Variants in PRR16 observed in about 807,000 individuals in gnomAD.
The protein encoded by PRR16 is proline rich 16.
A neutral mutation model predicts 18.2 loss-of-function variants in PRR16; 6 were observed. That is an observed-to-expected ratio of 0.33 (90% CI 0.18 to 0.65). The LOEUF is 0.65. Ranked by LOEUF, PRR16 falls within the 30% of genes least tolerant of loss-of-function variation. PRR16 has a pLI of 0.74. For missense variants in PRR16, 412 were observed against 376.6 expected (o/e 1.09, Z -0.78); for synonymous variants, 151 against 147.8 (o/e 1.02, Z -0.16).
At chr5:120,624,875 G>A (rs773266901) in intron 1 of PRR16, among the ~76,000 whole-genome samples, 8 of 152,008 alleles carry the variant, frequency 5.3e-5, no homozygotes, top group East Asian at 3.9e-4. Flanking sequence ...CACTGTTCTC[G>A]TGATAATGAA....
the PRR16 span, among the ~76,000 whole-genome samples, chr5:120,732,143 T>C: frequency 6.6e-6 from 1 of 152,336 alleles, no homozygotes; most frequent in African/African-American, 2.4e-5. Context: ...GTACAGCTCA[T>C]AGTGTTCAGC....
chr5:120,685,771 T>C (rs1442940254), intron 1 of PRR16, among the ~76,000 whole-genome samples, 183 bp from the exon 2 acceptor site: 2 of 152,204 alleles, frequency 1.3e-5, no homozygotes, highest in African/African-American at 4.8e-5. Context: ...ATACAGTTGG[T>C]CCTCTGTGTG....
At chr5:120,736,212 G>T in the PRR16 span, among the ~76,000 whole-genome samples, 1 of 152,118 alleles carries the variant, frequency 6.6e-6, no homozygotes, top group South Asian at 2.1e-4. Context: ...ATGTTTTCTC[G>T]ACTAAAATTT....
intron 1 of PRR16, among the ~76,000 whole-genome samples, chr5:120,618,054 G>T (rs1339806350): frequency 6.6e-6 from 1 of 152,026 alleles, no homozygotes; most frequent in African/African-American, 2.4e-5. Flanking sequence ...CTTAATCTAT[G>T]TAAGACTCTA....
chr5:120,695,093 A>C, the PRR16 span, among the ~76,000 whole-genome samples: 1 of 152,202 alleles, frequency 6.6e-6, no homozygotes, highest in Admixed American at 6.5e-5. Flanking sequence ...ATTGCCAATA[A>C]AAGTCCAAAA....
At chr5:120,530,285 T>TATATATATATATATATA (rs375750842) in intron 1 of PRR16, among the ~76,000 whole-genome samples, 54 of 84,338 alleles carry the variant, frequency 6.4e-4, no homozygotes, top group African/African-American at 1.2e-3. Flanking sequence ...ATATATATAT[T>TATATATATATATATATA]TATTTATTTA....
chr5:120,731,057 C>A, the PRR16 span, among the ~76,000 whole-genome samples: 1 of 152,158 alleles, frequency 6.6e-6, no homozygotes, highest in South Asian at 2.1e-4. Context: ...GCCCTTTAAT[C>A]ACATGTTTAA....
At chr5:120,595,753 T>C (rs1268940494) in intron 1 of PRR16, among the ~76,000 whole-genome samples, 1 of 152,010 alleles carries the variant, frequency 6.6e-6, no homozygotes, top group Non-Finnish European at 1.5e-5. Flanking sequence ...GATGTTCTTA[T>C]GATTCTCCTT....
At chr5:120,540,481 C>A (rs1451204413) in intron 1 of PRR16, among the ~76,000 whole-genome samples, 1 of 152,140 alleles carries the variant, frequency 6.6e-6, no homozygotes, top group Non-Finnish European at 1.5e-5. Flanking sequence ...TCATTTTGTA[C>A]CATGTGCCCC....
chr5:120,668,851 T>A (rs971409173), intron 1 of PRR16, among the ~76,000 whole-genome samples: 2 of 152,158 alleles, frequency 1.3e-5, no homozygotes, highest in African/African-American at 4.8e-5. Flanking sequence ...CTTCCCTTTG[T>A]GGGTAACCCG....
At chr5:120,695,827 C>G in the PRR16 span, among the ~76,000 whole-genome samples, 1 of 152,000 alleles carries the variant, frequency 6.6e-6, no homozygotes, top group Non-Finnish European at 1.5e-5. Flanking sequence ...TATGGCCCAG[C>G]CTGAAATAAC....
At chr5:120,530,670 C>G (rs989953996) in intron 1 of PRR16, among the ~76,000 whole-genome samples, 1 of 152,010 alleles carries the variant, frequency 6.6e-6, no homozygotes, top group African/African-American at 2.4e-5. Context: ...TGTAACTGAG[C>G]AGCATTTGAT....
At chr5:120,569,904 T>A (rs11241552) in intron 1 of PRR16, among the ~76,000 whole-genome samples, 150,357 of 152,244 alleles carry the variant, frequency 0.99, 74,269 homozygotes, top group East Asian at 1. Flanking sequence ...AGTAACATAA[T>A]CTCTGCTTAA....
chr5:120,672,230 T>C (rs980175257), intron 1 of PRR16, among the ~76,000 whole-genome samples: 1 of 122,034 alleles, frequency 8.2e-6, no homozygotes, highest in Admixed American at 8.7e-5. Flanking sequence ...GAAGGGCAGG[T>C]GAGGGGTCTG....
At chr5:120,745,429 T>G in the PRR16 span, among the ~76,000 whole-genome samples, 1 of 152,152 alleles carries the variant, frequency 6.6e-6, no homozygotes, top group Admixed American at 6.5e-5. Flanking sequence ...TTATGCTCTT[T>G]CCATCCATGG....
At chr5:120,560,396 C>CT (rs1048978825) in intron 1 of PRR16, among the ~76,000 whole-genome samples, 8 of 150,766 alleles carry the variant, frequency 5.3e-5, no homozygotes, top group South Asian at 2.1e-4. Flanking sequence ...TTGAAATGAT[C>CT]TTTTTTTTTG....
intron 1 of PRR16, among the ~76,000 whole-genome samples, chr5:120,678,651 T>A (rs988296960): frequency 6.6e-6 from 1 of 152,234 alleles, no homozygotes; most frequent in African/African-American, 2.4e-5. Context: ...CTTGCTACTT[T>A]GCTGAATTTG....
chr5:120,761,976 C>T, the PRR16 span, among the ~76,000 whole-genome samples: 1 of 152,084 alleles, frequency 6.6e-6, no homozygotes. Context: ...ATGCAATGTT[C>T]ATCTTACTGT....
chr5:120,768,923 A>G, the PRR16 span, among the ~76,000 whole-genome samples: 3 of 151,870 alleles, frequency 2.0e-5, no homozygotes, highest in African/African-American at 4.8e-5. Context: ...GTCATTCATT[A>G]TCTCCTGATC....
Sources: gnomAD v4.1 joint callset for allele counts (sites outside exome capture counted in the v4.1 genomes callset) on GRCh38, gnomAD v4.1.1 for gene constraint, MANE v1.5 for transcripts, NCBI Gene and HGNC (gene_info 2026-07-23, HGNC 2026-07-21) for gene names.